The following RALYL variants were observed in gnomAD, a reference collection of about 807,000 sequenced individuals.
The protein encoded by RALYL is RNA-binding Raly-like protein.
Under a neutral mutation model 35.1 loss-of-function variants are expected in RALYL, and 29 were observed. The observed-to-expected ratio is 0.83, with a 90% CI of 0.61 to 1.13. RALYL has a LOEUF of 1.13. Among genes scored for constraint, RALYL ranks in the 50% most tolerant of loss-of-function variants. RALYL has a pLI of 0.00. For synonymous variants in RALYL, 120 were observed against 127.6 expected, an observed-to-expected ratio of 0.94 and a Z score of 0.40; for missense variants, 359 against 360.4, an observed-to-expected ratio of 1.00 and a Z score of 0.03.
At position 84,576,835 on chromosome 8, in the gene RALYL, G is replaced by C. The variant is rs551647915; in HGVS notation, c.256+47258G>C. 7.9e-5 allele frequency among the ~76,000 whole-genome samples: 12 copies of C among 152,242 alleles called. No individual in the cohort carries two copies. In the South Asian group the frequency reaches 2.5e-3, roughly 32 times the overall value. On this transcript the variant is annotated intron_variant, in intron 2 of 8. Transcript: ENST00000521268. ...TCCACAAATACGTCTTACCTCCCTG[G>C]CTTCTGAAGACATTTGAATTTGTGA...
At chr8:84,431,367 T>G (rs1161024257) in intron 1 of RALYL, among the ~76,000 whole-genome samples, 1 of 152,138 alleles carries the variant, frequency 6.6e-6, no homozygotes, top group Admixed American at 6.6e-5. Flanking sequence ...GATTTTTTTT[T>G]CGTTCATGGC....
intron 3 of RALYL, among the ~76,000 whole-genome samples, chr8:84,800,716 C>G (rs1031812196): frequency 6.6e-6 from 1 of 152,176 alleles, no homozygotes; most frequent in Non-Finnish European, 1.5e-5. Flanking sequence ...CTAGGCATAT[C>G]ACAATGTAAT....
chr8:84,716,950 A>C (rs1284587242), intron 2 of RALYL, among the ~76,000 whole-genome samples: 1 of 152,150 alleles, frequency 6.6e-6, no homozygotes, highest in East Asian at 1.9e-4. Context: ...ATGCTTTGGG[A>C]GGCCAAGGCG....
In RALYL at chr8:84,614,262, G is replaced by T. The variant is rs1314134002; in HGVS notation, c.256+84685G>T. 1.3e-5 allele frequency among the ~76,000 whole-genome samples: 2 copies of T among 151,538 alleles called. 1 individual carries two copies. The highest frequency in any genetic ancestry group is 4.9e-5 in the African/African-American group (2 of 41,006). ...TATTACTCTCAGAATAGGTATTATT[G>T]TTGGTGTTGGAAGTAGTCTTATAAG... On this transcript the variant is annotated intron_variant, in intron 2 of 8. Coordinates refer to ENST00000521268, the MANE Select transcript of RALYL (RefSeq NM_173848.7).
intron 2 of RALYL, among the ~76,000 whole-genome samples, chr8:84,656,047 T>C (rs779502565): frequency 6.6e-6 from 1 of 152,192 alleles, no homozygotes; most frequent in Non-Finnish European, 1.5e-5. Context: ...TTTGCATCTT[T>C]CTCACAGTTA....
chr8:84,395,323 T>TA (rs1017205504), intron 1 of RALYL, among the ~76,000 whole-genome samples: 1 of 151,918 alleles, frequency 6.6e-6, no homozygotes, highest in Non-Finnish European at 1.5e-5. Context: ...CCATTTCTAA[T>TA]AAAAAATATA....
At chr8:84,289,544 T>A (rs896412341) in intron 1 of RALYL, among the ~76,000 whole-genome samples, 4 of 152,136 alleles carry the variant, frequency 2.6e-5, no homozygotes, top group Non-Finnish European at 1.5e-5. Flanking sequence ...AATATTTTTT[T>A]TTTATTTATC....
At chr8:84,550,507 T>C (rs2060642955) in intron 2 of RALYL, among the ~76,000 whole-genome samples, 2 of 151,970 alleles carry the variant, frequency 1.3e-5, no homozygotes, top group East Asian at 3.8e-4. Context: ...CATATTTTTC[T>C]TTAACTACTA....
At position 84,574,408 on chromosome 8, in the gene RALYL, T is replaced by C. The variant is rs374241064; in HGVS notation, c.256+44831T>C. ...TATTCAGTTACACTCTCAGGGAGAC[T>C]CCTATGCAGATTTTTGGATCTCTTT... On this transcript the variant is annotated intron_variant, in intron 2 of 8. Transcript: ENST00000521268. Among the ~76,000 whole-genome samples, 26 of 152,184 alleles carry C rather than the reference T, an allele frequency of 1.7e-4. No individual in the cohort carries two copies. In the East Asian group the frequency reaches 4.5e-3, roughly 26 times the overall value.
chr8:84,493,166 T>C (rs1414276068), intron 1 of RALYL, among the ~76,000 whole-genome samples: 1 of 152,082 alleles, frequency 6.6e-6, no homozygotes, highest in Non-Finnish European at 1.5e-5. Flanking sequence ...GAAAATGTGG[T>C]GTTTGGTTTT....
chr8:84,554,820 T>G (rs1450042580), intron 2 of RALYL, among the ~76,000 whole-genome samples: 4 of 152,232 alleles, frequency 2.6e-5, no homozygotes, highest in African/African-American at 7.2e-5. Flanking sequence ...AAAATATTCT[T>G]TGGACCCAGT....
intron 2 of RALYL, among the ~76,000 whole-genome samples, chr8:84,648,139 A>T (rs1477933827): frequency 6.6e-6 from 1 of 151,956 alleles, no homozygotes; most frequent in Non-Finnish European, 1.5e-5. Flanking sequence ...CACACACGAC[A>T]TTGCCGCTTC....
chr8:84,850,687 C>T (rs1416740900), intron 5 of RALYL, among the ~76,000 whole-genome samples: 1 of 152,188 alleles, frequency 6.6e-6, no homozygotes, highest in Non-Finnish European at 1.5e-5. Flanking sequence ...TTGTAAAGAA[C>T]ACTTATCAAA....
chr8:84,636,714 T>G (rs1389101990), intron 2 of RALYL, among the ~76,000 whole-genome samples: 1 of 151,906 alleles, frequency 6.6e-6, no homozygotes, highest in Non-Finnish European at 1.5e-5. Flanking sequence ...ATTCCACACT[T>G]ACTTTTAGAC....
At chr8:84,348,584 C>A (rs867450805) in intron 1 of RALYL, among the ~76,000 whole-genome samples, 5 of 152,052 alleles carry the variant, frequency 3.3e-5, no homozygotes, top group African/African-American at 1.2e-4. Context: ...AATGCCCAGG[C>A]AATTACACCA....
In RALYL at chr8:84,490,467, G is replaced by A. The variant is rs151178576; in HGVS notation, c.-23-38832G>A. Reference sequence around the variant, plus strand: ...TTCCTGAAGCCAAGCATCTTCGGTTGTTATTTTAATACTTCCTTTGGACAC... The same window carrying A: ...TTCCTGAAGCCAAGCATCTTCGGTTATTATTTTAATACTTCCTTTGGACAC... On this transcript the variant is annotated intron_variant, in intron 1 of 8. Transcript: ENST00000521268. Among the ~76,000 whole-genome samples, 107 of 152,034 alleles carry A rather than the reference G, an allele frequency of 7.0e-4. 2 individuals carry two copies. In the East Asian group the frequency reaches 0.02, roughly 28 times the overall value.
intron 4 of RALYL, among the ~76,000 whole-genome samples, chr8:84,813,240 T>C (rs1205549585): frequency 6.6e-6 from 1 of 152,208 alleles, no homozygotes; most frequent in African/African-American, 2.4e-5. Context: ...TTCCCACTTC[T>C]GCAGTTGGGG....
At chr8:84,860,776 G>GT (rs1243062295) in intron 5 of RALYL, among the ~76,000 whole-genome samples, 3 of 152,006 alleles carry the variant, frequency 2.0e-5, no homozygotes, top group Non-Finnish European at 2.9e-5. Flanking sequence ...ATATCTCTTA[G>GT]TTTTTTCCCC....
At chr8:84,355,659 GA>G (rs1346996738) in intron 1 of RALYL, among the ~76,000 whole-genome samples, 1 of 150,360 alleles carries the variant, frequency 6.7e-6, no homozygotes, top group East Asian at 1.9e-4. Context: ...ACCATTAGGA[GA>G]TGATAGCAGG....
Sources: allele counts gnomAD v4.1 joint callset (sites outside exome capture counted in the v4.1 genomes callset), GRCh38; gene constraint gnomAD v4.1.1; transcripts MANE v1.5; gene names NCBI Gene and HGNC (gene_info 2026-07-23, HGNC 2026-07-21).